CNTN1: variants seen among roughly 807,000 people sequenced by gnomAD.
The protein encoded by CNTN1 is contactin 1.
In CNTN1, 38 loss-of-function variants were observed where a neutral mutation model predicts 126.4. The ratio of observed to expected loss-of-function variants is 0.30; its 90% CI spans 0.23 to 0.39. CNTN1 has a LOEUF of 0.39. CNTN1 is among the 10% of genes least tolerant of loss of function. CNTN1 has a pLI of 1.00. For synonymous variants in CNTN1, 413 were observed against 422.6 expected, an observed-to-expected ratio of 0.98 and a Z score of 0.28; for missense variants, 1,009 against 1,248.4, an observed-to-expected ratio of 0.81 and a Z score of 2.89.
At chr12:40,804,300 G>A (rs1052026156) in intron 1 of CNTN1, among the ~76,000 whole-genome samples, 1 of 151,970 alleles carries the variant, frequency 6.6e-6, no homozygotes, top group Non-Finnish European at 1.5e-5. Flanking sequence ...CAAAACAAAT[G>A]TTGACAAGAT....
chr12:40,879,406 G>A (rs1322778375), intron 1 of CNTN1, among the ~76,000 whole-genome samples: 1 of 152,098 alleles, frequency 6.6e-6, no homozygotes, highest in African/African-American at 2.4e-5. Context: ...AAACAACAAA[G>A]ATCCTGCTTC....
chr12:41,026,162 G>A (rs1362851020), intron 21 of CNTN1, among the ~76,000 whole-genome samples: 1 of 152,144 alleles, frequency 6.6e-6, no homozygotes, highest in African/African-American at 2.4e-5. Flanking sequence ...TGTAAAAGGA[G>A]CATTCATTTT....
At chr12:40,985,885 G>C (rs960455961) in intron 16 of CNTN1, among the ~76,000 whole-genome samples, 1 of 151,928 alleles carries the variant, frequency 6.6e-6, no homozygotes, top group African/African-American at 2.4e-5. Flanking sequence ...GTGCACGCAC[G>C]CATGTGTCTG....
chr12:40,716,913 C>T (rs1383868047), intron 1 of CNTN1, among the ~76,000 whole-genome samples: 1 of 152,130 alleles, frequency 6.6e-6, no homozygotes, highest in Non-Finnish European at 1.5e-5. Context: ...TTAAAGCTAA[C>T]AATTACAAAG....
At chr12:41,010,213 G>C (rs1222529716) in intron 17 of CNTN1, among the ~76,000 whole-genome samples, 1 of 152,086 alleles carries the variant, frequency 6.6e-6, no homozygotes, top group African/African-American at 2.4e-5. Context: ...TGAGCCACTG[G>C]AGCTCCGGGA....
intron 17 of CNTN1, among the ~76,000 whole-genome samples, chr12:41,004,179 C>T (rs891386523): frequency 6.6e-6 from 1 of 152,080 alleles, no homozygotes; most frequent in Non-Finnish European, 1.5e-5. Flanking sequence ...TTCTCGATTT[C>T]TGCTTTAATT....
At chr12:40,916,324 T>C (rs1945243784) in intron 3 of CNTN1, among the ~76,000 whole-genome samples, 1 of 152,054 alleles carries the variant, frequency 6.6e-6, no homozygotes, top group Non-Finnish European at 1.5e-5. Context: ...ACTAAATTGC[T>C]CCAGTCAGAA....
At chr12:40,854,094 T>A (rs892608382) in intron 1 of CNTN1, among the ~76,000 whole-genome samples, 2 of 151,014 alleles carry the variant, frequency 1.3e-5, no homozygotes, top group Admixed American at 1.3e-4. Context: ...GTATGCTAGG[T>A]ACTATGCTAT....
chr12:40,982,850 G>T lies in CNTN1; in HGVS notation c.1963+1783G>T, dbSNP rs1011147386. ...GGAAGTAGGAGATGTGTTTTAAATA[G>T]GGTATTTCTCATATTCTCACTCATA... is the stretch of plus-strand genomic sequence containing the variant. On this transcript the variant is annotated intron_variant, in intron 16 of 23. Transcript: ENST00000551295. 6.0e-5 allele frequency among the ~76,000 whole-genome samples: 9 copies of T among 150,666 alleles called. No individual in the cohort carries two copies. In the Admixed American group the frequency reaches 6.0e-4, roughly 10 times the overall value.
At chr12:40,832,425 T>A (rs1941875914) in intron 1 of CNTN1, among the ~76,000 whole-genome samples, 1 of 152,182 alleles carries the variant, frequency 6.6e-6, no homozygotes, top group Admixed American at 6.5e-5. Flanking sequence ...ACCATTGTGT[T>A]ATACTTGCCT....
intron 23 of CNTN1, among the ~76,000 whole-genome samples, chr12:41,051,939 C>CAA (rs1291840873): frequency 7.4e-6 from 1 of 134,858 alleles, no homozygotes; most frequent in Non-Finnish European, 1.6e-5. Context: ...CACACACACA[C>CAA]AAAGAAACCT....
At chr12:41,007,195 G>A (rs1948518487) in intron 17 of CNTN1, among the ~76,000 whole-genome samples, 1 of 150,360 alleles carries the variant, frequency 6.7e-6, no homozygotes, top group Admixed American at 6.6e-5. Flanking sequence ...AAGTAGCTGG[G>A]ACTACAGGCG....
chr12:40,837,538 G>C (rs2136570720), intron 1 of CNTN1, among the ~76,000 whole-genome samples: 1 of 152,302 alleles, frequency 6.6e-6, no homozygotes, highest in African/African-American at 2.4e-5. Context: ...TCCAGGGAGG[G>C]AGCTTGCACT....
chr12:40,838,847 T>C (rs981822319), intron 1 of CNTN1, among the ~76,000 whole-genome samples: 3 of 149,950 alleles, frequency 2.0e-5, no homozygotes, highest in Non-Finnish European at 4.5e-5. Flanking sequence ...AATGCAAGGA[T>C]ACATGAAGCA....
intron 7 of CNTN1, among the ~76,000 whole-genome samples, chr12:40,930,693 G>T (rs1390234490): frequency 2.0e-5 from 3 of 151,926 alleles, no homozygotes; most frequent in Non-Finnish European, 4.4e-5. Context: ...TCAAGCTCAT[G>T]AGAGCATACC....
Position 41,017,061 on chromosome 12 carries a change from C to T in CNTN1, c.2419+145C>T, listed in dbSNP as rs986479890. The stretch of plus-strand genomic sequence containing the variant: ...TTAGTAAATGAGTACTATTTTGAAC[C>T]AAATTAAACATCACCCTCTTCATCT... On this transcript the variant is annotated intron_variant, in intron 19 of 23. Coordinates refer to ENST00000551295, the MANE Select transcript of CNTN1 (RefSeq NM_001843.4). 8 of 693,872 alleles carry T rather than the reference C, an allele frequency of 1.2e-5. No individual in the cohort carries two copies. In the Admixed American group the frequency reaches 1.7e-4, roughly 15 times the overall value. The allele number at this position is 693,872 out of a possible 1,614,324, so 43.0% of individuals were successfully genotyped here. A position where few individuals can be genotyped will look rare whatever the true frequency, so the allele number is the denominator to read the frequency against.
rs74635677 is a variant in CNTN1 at position 40,896,539 on chromosome 12, G to C, written c.-76-11818G>C. Among the ~76,000 whole-genome samples the C allele has an allele frequency of 7.8e-4, 119 of 152,202 alleles. No homozygotes were observed. In the East Asian group the frequency reaches 0.01, roughly 13 times the overall value. The stretch of plus-strand genomic sequence containing the variant: ...TTTTGATAATATAAACATCTAAAAT[G>C]CTATGAACATAGGCTCAGATTTCCT... On this transcript the variant is annotated intron_variant, in intron 1 of 23. Transcript: ENST00000551295.
chr12:40,984,763 C>G (rs1434983034), intron 16 of CNTN1, among the ~76,000 whole-genome samples: 5 of 152,114 alleles, frequency 3.3e-5, no homozygotes, highest in South Asian at 4.2e-4. Context: ...CTACCTGTCC[C>G]CTTTGTGCAG....
intron 1 of CNTN1, among the ~76,000 whole-genome samples, chr12:40,885,602 T>A (rs1034891587): frequency 6.6e-6 from 1 of 152,082 alleles, no homozygotes; most frequent in Non-Finnish European, 1.5e-5. Context: ...ACCATAGAGA[T>A]TTTCTGTGAG....
Sources: gnomAD v4.1 joint callset for allele counts (sites outside exome capture counted in the v4.1 genomes callset) on GRCh38, gnomAD v4.1.1 for gene constraint, MANE v1.5 for transcripts, NCBI Gene and HGNC (gene_info 2026-07-23, HGNC 2026-07-21) for gene names.